The following EML2 variants were observed in gnomAD, a reference collection of about 807,000 sequenced individuals.
EML2 encodes the protein EMAP like 2, also known as echinoderm microtubule-associated protein-like 2.
EML2 carries 59 observed loss-of-function variants against 84.7 expected under a neutral mutation model. The observed-to-expected ratio is 0.70, with a 90% CI of 0.56 to 0.86. The LOEUF (loss-of-function observed/expected upper bound fraction) is 0.86, where lower values mean the gene tolerates loss of function less well. EML2 is among the 40% of genes least tolerant of loss of function. The probability of loss-of-function intolerance (pLI) is 0.00; values close to 1 mark genes in which losing one functional copy is unlikely to be tolerated. For missense variants in EML2, 818 were observed against 855.6 expected, an observed-to-expected ratio of 0.96 and a Z score of 0.55; for synonymous variants, 352 against 348.9, an observed-to-expected ratio of 1.01 and a Z score of -0.10.
At position 45,637,492 on chromosome 19, in the gene EML2, T is replaced by TC. The variant is rs1459566070; in HGVS notation, c.179+1012_179+1013insG. On this transcript the variant is annotated intron_variant, in intron 3 of 18. Transcript: ENST00000245925. ...TGGATTTTTTTTTTTTTTTTTTTTT[T>TC]TTTGAGAAAGGAGTCTCGCTCTGTC... 1.0e-3 allele frequency among the ~76,000 whole-genome samples: 145 copies of TC among 143,520 alleles called. 4 individuals carry two copies. Among genetic ancestry groups the TC allele is most frequent in the South Asian group, 8.9e-4 (4 of 4,516 alleles). 94.2% of individuals were successfully genotyped at this position (143,520 alleles called of 152,430 possible).
At chr19:45,620,029 T>C (rs1247608808) in intron 11 of EML2, among the ~76,000 whole-genome samples, 1 of 151,824 alleles carries the variant, frequency 6.6e-6, no homozygotes, top group Non-Finnish European at 1.5e-5. Context: ...CCAGGCTGGG[T>C]GATATAATAA....
chr19:45,632,598 G>T, intron 6 of EML2: 1 of 469,704 alleles, frequency 2.1e-6, no homozygotes, highest in Non-Finnish European at 3.9e-6. Flanking sequence ...ATCTCTGCCT[G>T]GACATGCCAA....
At chr19:45,634,509 G>T (rs769567725) in intron 3 of EML2, 38 bp from the exon 4 acceptor site, 4 of 1,435,410 alleles carry the variant, frequency 2.8e-6, no homozygotes, top group Admixed American at 5.3e-5. Flanking sequence ...AATGTGTTTT[G>T]TTGTTGTTGT....
chr19:45,627,179 G>C lies in EML2; in HGVS notation c.607-340C>G, dbSNP rs550578615. On this transcript the variant is annotated intron_variant, in intron 7 of 18. Coordinates refer to ENST00000245925, the MANE Select transcript of EML2 (RefSeq NM_012155.4). ...TTCACCATGTTTCCCGGCTGGTCTC[G>C]AACTCTTTACCTCGTGATCCACCCG... Among the ~76,000 whole-genome samples, 5 of 150,928 alleles carry C rather than the reference G, an allele frequency of 3.3e-5. No homozygotes were observed. The East Asian group carries it at 9.7e-4, about 29-fold the overall frequency.
rs1273465839 is a variant in EML2 at position 45,614,654 on chromosome 19, C to T, written c.1644G>A (p.Arg548=). The change falls in exon 17 of 19, where the codon AGG becomes AGA. Residue 548 remains arginine, a synonymous_variant. Transcript: ENST00000245925. ...AAGTAGCTGTGGCCCATTCCATGTTCCTCACAGCATCCGCACTGGTGATCT... is the reference window on the plus strand; with the variant it reads ...AAGTAGCTGTGGCCCATTCCATGTTTCTCACAGCATCCGCACTGGTGATCT... The part of the protein sequence containing the change: ...CKQITSADAV[R]NMEWATATCV... 1 of 1,614,118 alleles carries T rather than the reference C, an allele frequency of 6.2e-7. No homozygotes were observed. Among genetic ancestry groups the T allele is most frequent in the East Asian group, 2.2e-5 (1 of 44,880 alleles).
chr19:45,613,147 C>T (rs1970666647), intron 18 of EML2, among the ~76,000 whole-genome samples: 1 of 152,146 alleles, frequency 6.6e-6, no homozygotes, highest in Non-Finnish European at 1.5e-5. Context: ...AATCCTCCTG[C>T]CTCAGCTTTG....
chr19:45,639,212 G>A (rs948900603), intron 1 of EML2, 145 bp downstream of exon 1: 1 of 936,446 alleles, frequency 1.1e-6, no homozygotes, highest in Non-Finnish European at 1.5e-6. Context: ...CACACCAAAC[G>A]TCAAGCAGAG....
Position 45,614,546 on chromosome 19 carries a change from G to A in EML2, c.1693+59C>T. ...AGCAGTAAGACTCTGGAAACCACCA[G>A]CGGGGATGTCTCTCAGAACTACTGT... On this transcript the variant is annotated intron_variant, in intron 17 of 18. Coordinates refer to ENST00000245925, the MANE Select transcript of EML2 (RefSeq NM_012155.4). 2.1e-6 allele frequency: 3 copies of A among 1,457,558 alleles called. No homozygotes were observed. The East Asian group carries it at 6.8e-5, about 33-fold the overall frequency. The allele number at this position is 1,457,558 out of a possible 1,614,324, so 90.3% of individuals were successfully genotyped here.
intron 4 of EML2, among the ~76,000 whole-genome samples, chr19:45,634,112 A>G (rs1973416378): frequency 6.6e-6 from 1 of 152,112 alleles, no homozygotes; most frequent in Admixed American, 6.6e-5. Flanking sequence ...CCCAACTAAA[A>G]CACCTGAAAT....
At chr19:45,639,600 C>A (rs557258479), upstream of EML2, among the ~76,000 whole-genome samples, 24 of 152,198 alleles carry the variant, frequency 1.6e-4, no homozygotes, top group Non-Finnish European at 2.8e-4. Context: ...GACTCGGGAG[C>A]GCGCCTGCTT....
rs762562529 is a variant in EML2, at chr19:45,621,231, G to T, written c.1098C>A (p.His366Gln). ...CCTGGACCAGCAGTGAGAAGCCTGT[G>T]TGCACGGAGCCCTGCAGGATGGAAT... The part of the protein sequence containing the change: ...TRNSILQGSV[H>Q]TGFSLLVQGH... The change falls in exon 11 of 19, where the codon CAC (histidine) becomes CAA (glutamine). Residue 366 changes from histidine to glutamine, a missense_variant. Physicochemically the swap from His to Gln is conservative, Grantham distance 24. Transcript: ENST00000245925. 6.8e-6 allele frequency: 11 copies of T among 1,613,984 alleles called. No individual in the cohort carries two copies. The highest frequency in any genetic ancestry group is 2.2e-5 in the South Asian group (2 of 91,090).
chr19:45,629,891 T>C lies in EML2; in HGVS notation c.606+60A>G, dbSNP rs1972820302. ...TATCTGATTGCAGACTCCTAACCAC[T>C]GAGATTGGGAAAGTCCCACAGTGGC... On this transcript the variant is annotated intron_variant, in intron 7 of 18. Coordinates refer to ENST00000245925, the MANE Select transcript of EML2 (RefSeq NM_012155.4). 5 of 1,332,860 alleles carry C rather than the reference T, an allele frequency of 3.8e-6. No individual in the cohort carries two copies. In the South Asian group the frequency reaches 4.7e-5, roughly 12 times the overall value. The allele number at this position is 1,332,860 out of a possible 1,614,324, so 82.6% of individuals were successfully genotyped here.
At chr19:45,633,373 A>G (rs1318798221) in intron 4 of EML2, among the ~76,000 whole-genome samples, 2 of 152,076 alleles carry the variant, frequency 1.3e-5, no homozygotes, top group Non-Finnish European at 2.9e-5. Flanking sequence ...TGTACCTCAC[A>G]TAGTGGCCAG....
At chr19:45,641,570 G>A, upstream of EML2, 2 of 1,451,512 alleles carry the variant, frequency 1.4e-6, no homozygotes, top group East Asian at 2.5e-5. Flanking sequence ...TCGTGGCCTG[G>A]GGCATGACTA....
At chr19:45,626,994 C>T (rs1600151098) in intron 7 of EML2, among the ~76,000 whole-genome samples, 155 bp from the exon 8 acceptor site, 1 of 151,250 alleles carries the variant, frequency 6.6e-6, no homozygotes, top group Non-Finnish European at 1.5e-5. Context: ...GAGTCTCACC[C>T]TGTCACCCAG....
rs759767127 is a variant in EML2, at chr19:45,616,483, ACCTTGCGGCCGC to A, written c.1475_1486del (p.Gly492_Lys495del). On this transcript the variant is annotated inframe_deletion, in exon 15 of 19. Transcript: ENST00000245925. ...CACCGAGCACTTGCCCAGGCGGCTG[ACCTTGCGGCCGC>A]CCTGGTCCACCGTGTACACGTACAC... is the stretch of plus-strand genomic sequence containing the variant. 24 of 1,592,788 alleles carry A rather than the reference ACCTTGCGGCCGC, an allele frequency of 1.5e-5. No individual in the cohort carries two copies. The highest frequency in any genetic ancestry group is 1.9e-5 in the Non-Finnish European group (22 of 1,163,826).
chr19:45,630,009 T>C lies in EML2; in HGVS notation c.548A>G (p.Asn183Ser), dbSNP rs747866508. 8 of 1,613,068 alleles carry C rather than the reference T, an allele frequency of 5.0e-6. No individual in the cohort carries two copies. The South Asian group carries it at 5.5e-5, about 11-fold the overall frequency. Residue 183 changes from asparagine (N) to serine (S), a missense_variant, in exon 7 of 19, where the codon AAT (asparagine) becomes AGT (serine). Transcript: ENST00000245925. ...GTCCCACACCGAGAGCATGTGATCA[T>C]TGGATTCATCCACTGCACACAGCAG... ...GNLLCAVDESNDHMLSVWDWA... is the reference protein window; with the variant it reads ...GNLLCAVDESSDHMLSVWDWA...
At chr19:45,644,786 G>GAGGGCC (rs1293545013), upstream of EML2, 3 of 456,278 alleles carry the variant, frequency 6.6e-6, no homozygotes, top group Non-Finnish European at 1.3e-5. Flanking sequence ...TAATGCATGG[G>GAGGGCC]AGGGCCAGGG....
chr19:45,635,486 A>G lies in EML2; in HGVS notation c.180-1015T>C, dbSNP rs115416140. Among the ~76,000 whole-genome samples the G allele has an allele frequency of 2.9e-3, 447 of 151,896 alleles. 6 individuals carry two copies. The highest frequency in any genetic ancestry group is 1.0e-2 in the African/African-American group (413 of 41,420). On this transcript the variant is annotated intron_variant, in intron 3 of 18. Transcript: ENST00000245925. ...ACACACTGGCTGAGGACCAGACTCA[A>G]CAAGGTCATTGGAATGAGGTTTTTC...
Sources: allele counts gnomAD v4.1 joint callset (sites outside exome capture counted in the v4.1 genomes callset), GRCh38; gene constraint gnomAD v4.1.1; transcripts MANE v1.5; gene names NCBI Gene and HGNC (gene_info 2026-07-23, HGNC 2026-07-21).